The following PRKCB variants were observed in gnomAD, a reference collection of about 807,000 sequenced individuals.
The protein encoded by PRKCB is protein kinase C beta.
Under a neutral mutation model 81.5 loss-of-function variants are expected in PRKCB, and 13 were observed. That is an observed-to-expected ratio of 0.16 (90% CI 0.10 to 0.25). PRKCB has a LOEUF of 0.25. PRKCB is among the 10% of genes least tolerant of loss of function. The probability of loss-of-function intolerance (pLI) is 1.00; values close to 1 mark genes in which losing one functional copy is unlikely to be tolerated. For missense variants in PRKCB, 509 were observed against 875.7 expected (o/e 0.58, Z 5.29); for synonymous variants, 335 against 321.4 (o/e 1.04, Z -0.45).
At chr16:23,873,508 C>G (rs751128221) in intron 2 of PRKCB, among the ~76,000 whole-genome samples, 1 of 152,188 alleles carries the variant, frequency 6.6e-6, no homozygotes, top group Non-Finnish European at 1.5e-5. Flanking sequence ...GCAGGTCTGA[C>G]TTTCTCCTTT....
intron 2 of PRKCB, among the ~76,000 whole-genome samples, chr16:23,878,763 A>G (rs148592116): frequency 1.5e-4 from 23 of 152,338 alleles, no homozygotes; most frequent in African/African-American, 3.4e-4. Flanking sequence ...AACCCCTGTT[A>G]TTAGCTCTAG....
chr16:24,109,596 G>C (rs1259878635), intron 7 of PRKCB, among the ~76,000 whole-genome samples: 1 of 130,116 alleles, frequency 7.7e-6, no homozygotes, highest in Non-Finnish European at 1.5e-5. Context: ...GATGGCGGCC[G>C]GGCGGAGACG....
At chr16:24,129,514 C>T (rs1200527384) in intron 9 of PRKCB, among the ~76,000 whole-genome samples, 1 of 141,450 alleles carries the variant, frequency 7.1e-6, no homozygotes, top group Non-Finnish European at 1.5e-5. Flanking sequence ...CTCTCTCATG[C>T]ACGTGCATCT....
intron 10 of PRKCB, among the ~76,000 whole-genome samples, chr16:24,166,780 A>G (rs781358723): frequency 1.4e-4 from 22 of 152,232 alleles, no homozygotes; most frequent in Non-Finnish European, 3.1e-4. Context: ...AAGGACAGTG[A>G]GATGCCAACC....
Position 23,914,309 on chromosome 16 carries a change from A to G in PRKCB, c.206-74199A>G, listed in dbSNP as rs115168983. Among the ~76,000 whole-genome samples the G allele has an allele frequency of 1.3e-3, 204 of 152,312 alleles. 1 individual carries two copies. Among genetic ancestry groups the G allele is most frequent in the African/African-American group, 4.7e-3 (196 of 41,552 alleles). ...AAATATCCCTAGGCTTTTAAGCCTC[A>G]GTTACTTAATCAACACAGTGGGGCC... On this transcript the variant is annotated intron_variant, in intron 2 of 16. Coordinates refer to ENST00000643927, the MANE Select transcript of PRKCB (RefSeq NM_002738.7).
chr16:24,203,499 G>T (rs1318305394), intron 16 of PRKCB, among the ~76,000 whole-genome samples: 2 of 152,096 alleles, frequency 1.3e-5, no homozygotes, highest in African/African-American at 2.4e-5. Flanking sequence ...CAACACTGTT[G>T]CATTGGGGAT....
intron 3 of PRKCB, among the ~76,000 whole-genome samples, chr16:23,999,692 A>G (rs538505495): frequency 1.3e-5 from 2 of 152,292 alleles, no homozygotes; most frequent in Admixed American, 1.3e-4. Context: ...AGCATTACTT[A>G]TGGACATTAT....
intron 16 of PRKCB, among the ~76,000 whole-genome samples, chr16:24,205,798 A>G (rs1283043289): frequency 6.6e-6 from 1 of 152,242 alleles, no homozygotes; most frequent in African/African-American, 2.4e-5. Flanking sequence ...GAGAACATAG[A>G]CAATCAACAG....
chr16:23,967,411 A>T (rs1964502545), intron 2 of PRKCB, among the ~76,000 whole-genome samples: 1 of 152,194 alleles, frequency 6.6e-6, no homozygotes, highest in Non-Finnish European at 1.5e-5. Flanking sequence ...TTGGGTCAGG[A>T]CAGCCACCTT....
intron 2 of PRKCB, among the ~76,000 whole-genome samples, chr16:23,866,977 CCCTTCCTTCCCTT>C: frequency 1.1e-5 from 1 of 94,086 alleles, no homozygotes; most frequent in African/African-American, 4.4e-5. Flanking sequence ...TCCCTTCCTT[CCCTTCCTTCCCTT>C]CCTTCCCTTC....
At chr16:23,938,882 G>A (rs578136654) in intron 2 of PRKCB, among the ~76,000 whole-genome samples, 2 of 151,828 alleles carry the variant, frequency 1.3e-5, no homozygotes, top group Non-Finnish European at 2.9e-5. Context: ...CGGCAAAAAA[G>A]AAAGAAAGAA....
In PRKCB at chr16:24,219,278, G is replaced by T. The variant is rs1278082995; in HGVS notation, c.*4462G>T. 4 of 935,756 alleles carry T rather than the reference G, an allele frequency of 4.3e-6. No individual in the cohort carries two copies. Among genetic ancestry groups the T allele is most frequent in the South Asian group, 1.0e-4 (2 of 19,864 alleles). 58.0% of individuals were successfully genotyped at this position (935,756 alleles called of 1,614,324 possible). A position where few individuals can be genotyped will look rare whatever the true frequency, so the allele number is the denominator to read the frequency against. ...TTGTTTTGTTTTGTTTTGTTTTAAG[G>T]CTCCCCTTACACACCCTCCTTTAAG... is the stretch of plus-strand genomic sequence containing the variant. On this transcript the variant is annotated 3_prime_UTR_variant, in exon 17 of 17. Coordinates refer to ENST00000643927, the MANE Select transcript of PRKCB (RefSeq NM_002738.7).
At chr16:24,036,639 A>G (rs955962741) in intron 5 of PRKCB, among the ~76,000 whole-genome samples, 3 of 152,122 alleles carry the variant, frequency 2.0e-5, no homozygotes, top group African/African-American at 7.2e-5. Flanking sequence ...TGTACAATAT[A>G]ATTCTTTTAA....
chr16:24,215,649 AAAAAAAAAG>A lies in PRKCB; in HGVS notation c.*842_*850del, dbSNP rs1968215956. 3 of 922,564 alleles carry A rather than the reference AAAAAAAAAG, an allele frequency of 3.3e-6. No individual in the cohort carries two copies. Among genetic ancestry groups the A allele is most frequent in the African/African-American group, 1.9e-5 (1 of 53,412 alleles). 57.1% of individuals were successfully genotyped at this position (922,564 alleles called of 1,614,324 possible). The stretch of plus-strand genomic sequence containing the variant: ...GTTGTTGTTCAAATGCAAAAAAAAG[AAAAAAAAAG>A]AAAAAAAAAGGTGACTCACATTGTT... On this transcript the variant is annotated 3_prime_UTR_variant, in exon 17 of 17. Coordinates refer to ENST00000643927, the MANE Select transcript of PRKCB (RefSeq NM_002738.7).
intron 2 of PRKCB, among the ~76,000 whole-genome samples, chr16:23,891,115 C>T (rs2141116807): frequency 6.6e-6 from 1 of 151,756 alleles, no homozygotes; most frequent in East Asian, 1.9e-4. Flanking sequence ...TGGCTCACTG[C>T]AGCCTCGACC....
At chr16:24,050,361 A>G (rs539573075) in intron 5 of PRKCB, among the ~76,000 whole-genome samples, 7 of 152,240 alleles carry the variant, frequency 4.6e-5, no homozygotes, top group East Asian at 1.9e-4. Context: ...CCCAGAGTGA[A>G]AGAGAATCCA....
At chr16:23,950,050 T>C (rs1964255721) in intron 2 of PRKCB, among the ~76,000 whole-genome samples, 1 of 150,316 alleles carries the variant, frequency 6.7e-6, no homozygotes, top group African/African-American at 2.4e-5. Context: ...CGAAGGAGCC[T>C]CGCCGTGGGG....
intron 13 of PRKCB, 37 bp downstream of exon 13, chr16:24,180,965 T>C (rs1967612120): frequency 6.2e-7 from 1 of 1,607,200 alleles, no homozygotes. Flanking sequence ...ATTGCGGTGA[T>C]GTACCCTCTG....
intron 1 of PRKCB, among the ~76,000 whole-genome samples, chr16:23,836,932 C>G (rs947778457): frequency 6.6e-6 from 1 of 151,898 alleles, no homozygotes; most frequent in Non-Finnish European, 1.5e-5. Context: ...ACTGCGGGCC[C>G]CTTTCTTCCC....
Sources: allele counts gnomAD v4.1 joint callset (sites outside exome capture counted in the v4.1 genomes callset), GRCh38; gene constraint gnomAD v4.1.1; transcripts MANE v1.5; gene names NCBI Gene and HGNC (gene_info 2026-07-23, HGNC 2026-07-21).